SORBS2: variants seen among roughly 807,000 people sequenced by gnomAD.
SORBS2 encodes the protein sorbin and SH3 domain-containing protein 2.
SORBS2 carries 46 observed loss-of-function variants against 97.7 expected under a neutral mutation model. That is an observed-to-expected ratio of 0.47 (90% CI 0.37 to 0.60). The LOEUF (loss-of-function observed/expected upper bound fraction) is 0.60, where lower values mean the gene tolerates loss of function less well. SORBS2 is among the 20% of genes least tolerant of loss of function. The pLI, the probability that SORBS2 is intolerant of heterozygous loss-of-function variation, is 0.00. For missense variants in SORBS2, 1,316 were observed against 1,282.3 expected, an observed-to-expected ratio of 1.03 and a Z score of -0.40; for synonymous variants, 476 against 473.4, an observed-to-expected ratio of 1.01 and a Z score of -0.07.
intron 4 of SORBS2, chr4:185,665,897 C>A: frequency 4.2e-6 from 5 of 1,189,694 alleles, no homozygotes; most frequent in Non-Finnish European, 5.3e-6. Flanking sequence ...GAGGAGTGCT[C>A]GGCCAGGGAG....
chr4:185,731,884 ATATATATATATATATATATATATATG>A (rs1270187960), intron 2 of SORBS2, among the ~76,000 whole-genome samples: 53 of 74,340 alleles, frequency 7.1e-4, no homozygotes, highest in African/African-American at 2.5e-3. Context: ...ATATATATAT[ATATATATATATATATATATATATATG>A]TCTGTTTCTC....
At chr4:185,695,615 C>A (rs569157667) in intron 2 of SORBS2, among the ~76,000 whole-genome samples, 13 of 152,048 alleles carry the variant, frequency 8.5e-5, no homozygotes, top group African/African-American at 2.9e-4. Context: ...GAAATGGGAT[C>A]ATTTGTAGCA....
chr4:185,894,087 A>AT (rs1345914073), intron 1 of SORBS2, among the ~76,000 whole-genome samples: 3 of 152,196 alleles, frequency 2.0e-5, no homozygotes, highest in Non-Finnish European at 4.4e-5. Context: ...GCCCCTCTGA[A>AT]TACCGATCTC....
rs778564736 is a variant in SORBS2, at chr4:185,652,633, C to G, written c.91+29G>C. ...TGTAGTCCCTTCAACCCACAAGGAC[C>G]TCATCAGAAAGCAGAGCAGCAGACA... On this transcript the variant is annotated intron_variant, in intron 2 of 14. Coordinates refer to ENST00000418609, the Ensembl canonical transcript of SORBS2. 6.9e-6 allele frequency: 11 copies of G among 1,589,406 alleles called. 1 individual carries two copies. Among genetic ancestry groups the G allele is most frequent in the Non-Finnish European group, 6.0e-6 (7 of 1,157,686 alleles).
intron 2 of SORBS2, among the ~76,000 whole-genome samples, chr4:185,682,997 G>A (rs1201360726): frequency 1.5e-5 from 2 of 136,706 alleles, no homozygotes; most frequent in Admixed American, 8.0e-5. Flanking sequence ...TGGGCACAGA[G>A]CAAGACCCAC....
At chr4:185,954,960 A>T (rs942316120) in intron 1 of SORBS2, among the ~76,000 whole-genome samples, 2 of 152,188 alleles carry the variant, frequency 1.3e-5, no homozygotes, top group African/African-American at 4.8e-5. Flanking sequence ...CTCAAAAACA[A>T]ACAAAGAAAC....
At chr4:185,588,967 G>A (rs1180507082) in intron 14 of SORBS2, among the ~76,000 whole-genome samples, 1 of 152,038 alleles carries the variant, frequency 6.6e-6, no homozygotes, top group East Asian at 1.9e-4. Flanking sequence ...CCGCACCAGG[G>A]CCTCAATTCT....
At chr4:185,871,079 T>A (rs2099230169) in intron 1 of SORBS2, among the ~76,000 whole-genome samples, 2 of 152,194 alleles carry the variant, frequency 1.3e-5, no homozygotes, top group Admixed American at 1.3e-4. Flanking sequence ...TTTGAATCAA[T>A]AAAACCACAC....
chr4:185,832,017 T>G (rs1463941035), intron 1 of SORBS2, among the ~76,000 whole-genome samples: 1 of 152,224 alleles, frequency 6.6e-6, no homozygotes, highest in African/African-American at 2.4e-5. Context: ...AGTATTGTGT[T>G]CTCTGGTTTT....
chr4:185,872,719 A>T (rs4862579), intron 1 of SORBS2, among the ~76,000 whole-genome samples: 65,899 of 152,112 alleles, frequency 0.43, 15,482 homozygotes, highest in East Asian at 0.72. Context: ...GTGGTTGGGG[A>T]GAGGGAGAAA....
At chr4:185,638,670 T>G (rs1581552586) in intron 4 of SORBS2, among the ~76,000 whole-genome samples, 5 of 35,662 alleles carry the variant, frequency 1.4e-4, no homozygotes, top group African/African-American at 3.3e-4. Context: ...TGGGGAAGGG[T>G]GCGGGAGGGG....
intron 12 of SORBS2, among the ~76,000 whole-genome samples, chr4:185,605,539 C>G (rs1478589751): frequency 6.6e-6 from 1 of 152,058 alleles, no homozygotes; most frequent in Admixed American, 6.5e-5. Context: ...CAGCCTTGGG[C>G]TCCCAAAGTG....
chr4:185,642,009 C>T (rs1292024034), intron 4 of SORBS2, among the ~76,000 whole-genome samples: 2 of 152,112 alleles, frequency 1.3e-5, no homozygotes, highest in Non-Finnish European at 2.9e-5. Context: ...ATACGTTGTT[C>T]TAAACAAAAA....
intron 2 of SORBS2, among the ~76,000 whole-genome samples, chr4:185,704,200 T>C (rs2098306747): frequency 2.0e-5 from 3 of 152,224 alleles, no homozygotes; most frequent in Admixed American, 2.0e-4. Context: ...ACATAATTCA[T>C]ATTTATTTCC....
At chr4:185,954,719 G>A (rs2099278804) in intron 1 of SORBS2, among the ~76,000 whole-genome samples, 1 of 152,170 alleles carries the variant, frequency 6.6e-6, no homozygotes, top group Non-Finnish European at 1.5e-5. Context: ...CAGCACTTTG[G>A]GAGGCTGAGG....
At chr4:185,597,603 C>G (rs537125312) in intron 12 of SORBS2, among the ~76,000 whole-genome samples, 1 of 152,276 alleles carries the variant, frequency 6.6e-6, no homozygotes, top group South Asian at 2.1e-4. Flanking sequence ...ACTACTTGGC[C>G]TACCTTGGCT....
chr4:185,925,432 G>C (rs1300184143), intron 1 of SORBS2, among the ~76,000 whole-genome samples: 16 of 152,082 alleles, frequency 1.1e-4, no homozygotes, highest in African/African-American at 3.9e-4. Flanking sequence ...TTTTAAGGAT[G>C]AAAGTACTCA....
intron 2 of SORBS2, among the ~76,000 whole-genome samples, chr4:185,740,633 A>C (rs1266724697): frequency 6.6e-6 from 1 of 151,956 alleles, no homozygotes; most frequent in African/African-American, 2.4e-5. Context: ...ACTCAGCCCA[A>C]CATTAACTCA....
chr4:185,852,599 A>C (rs1455862188), intron 1 of SORBS2, among the ~76,000 whole-genome samples: 1 of 152,124 alleles, frequency 6.6e-6, no homozygotes, highest in African/African-American at 2.4e-5. Context: ...TGATAGGAAA[A>C]ATTTTAAAGA....
Sources: allele counts gnomAD v4.1 joint callset (sites outside exome capture counted in the v4.1 genomes callset), GRCh38; gene constraint gnomAD v4.1.1; transcripts MANE v1.5; gene names NCBI Gene and HGNC (gene_info 2026-07-23, HGNC 2026-07-21).